AKAP6: variants seen among roughly 807,000 people sequenced by gnomAD.
The protein encoded by AKAP6 is A-kinase anchor protein 6.
A neutral mutation model predicts 188.5 loss-of-function variants in AKAP6; 58 were observed. That is an observed-to-expected ratio of 0.31 (90% CI 0.25 to 0.38). AKAP6 has a LOEUF of 0.38. Among genes scored for constraint, AKAP6 ranks in the 10% least tolerant of loss-of-function variants. The pLI, the probability that AKAP6 is intolerant of heterozygous loss-of-function variation, is 1.00. For synonymous variants in AKAP6, 989 were observed against 998.6 expected, an observed-to-expected ratio of 0.99 and a Z score of 0.18; for missense variants, 2,710 against 2,740.0, an observed-to-expected ratio of 0.99 and a Z score of 0.24.
At chr14:32,815,134 A>G (rs947097121) in intron 12 of AKAP6, among the ~76,000 whole-genome samples, 2 of 152,176 alleles carry the variant, frequency 1.3e-5, no homozygotes, top group East Asian at 1.9e-4. Context: ...ATTTTCAACT[A>G]TTTCAGAATT....
rs961531065 is a variant in AKAP6 at position 32,800,211 on chromosome 14, C to T, written c.3589-21191C>T. ...ACACATATATATACATATATATACA[C>T]ACATCTATATATACATATACAAAAA... On this transcript the variant is annotated intron_variant, in intron 12 of 13. Coordinates refer to ENST00000280979, the MANE Select transcript of AKAP6 (RefSeq NM_004274.5). Among the ~76,000 whole-genome samples, 202 of 146,500 alleles carry T rather than the reference C, an allele frequency of 1.4e-3. 2 individuals are homozygous for T. Among genetic ancestry groups the T allele is most frequent in the African/African-American group, 4.8e-3 (192 of 39,704 alleles).
At chr14:32,715,081 G>A (rs553749826) in intron 9 of AKAP6, among the ~76,000 whole-genome samples, 2 of 151,930 alleles carry the variant, frequency 1.3e-5, no homozygotes, top group South Asian at 4.2e-4. Context: ...TTTGCTTGAG[G>A]AAAAAATGAT....
chr14:32,460,577 G>A (rs894929725), intron 2 of AKAP6, among the ~76,000 whole-genome samples: 9 of 152,218 alleles, frequency 5.9e-5, no homozygotes, highest in Non-Finnish European at 8.8e-5. Context: ...GTAATCTGCA[G>A]ATCAGGAGAT....
At chr14:32,613,065 C>T (rs1886419778) in intron 7 of AKAP6, among the ~76,000 whole-genome samples, 1 of 152,218 alleles carries the variant, frequency 6.6e-6, no homozygotes, top group Non-Finnish European at 1.5e-5. Flanking sequence ...GTTTAGCTAA[C>T]ATAATGTAGT....
In AKAP6 at chr14:32,809,932, C is replaced by T. The variant is rs1263445074; in HGVS notation, c.3589-11470C>T. Among the ~76,000 whole-genome samples, 4 of 151,804 alleles carry T rather than the reference C, an allele frequency of 2.6e-5. No individual in the cohort carries two copies. The East Asian group carries it at 5.8e-4, about 22-fold the overall frequency. On this transcript the variant is annotated intron_variant, in intron 12 of 13. Transcript: ENST00000280979. ...CTGGTATTTTATTTCCCTGATTGCT[C>T]GCTATTTATTAAGAGAAAAAAGCAA...
intron 1 of AKAP6, among the ~76,000 whole-genome samples, chr14:32,399,136 G>T (rs770140740): frequency 6.6e-6 from 1 of 152,040 alleles, no homozygotes; most frequent in Non-Finnish European, 1.5e-5. Context: ...TTACAGGCGT[G>T]AGCCACTGTG....
rs1001171080 is a variant in AKAP6, at chr14:32,735,660, A to G, written c.3150A>G (p.Lys1050=). The G allele has an allele frequency of 3.2e-6, 5 of 1,544,620 alleles. No homozygotes were observed. The African/African-American group carries it at 5.6e-5, about 17-fold the overall frequency. The change falls in exon 11 of 14, where the codon AAA becomes AAG. Residue 1050 remains lysine, a splice_region_variant and synonymous_variant. Transcript: ENST00000280979. ...TGTTTTTTAATCTGATGCATTAGAA[A>G]ACCCTAGGAGAGAAGATCCAGGACA... ...SINEKWELLG[K]TLGEKIQDTM...
At chr14:32,376,059 T>C (rs1457501634) in intron 1 of AKAP6, 1 of 152,258 alleles carries the variant, frequency 6.6e-6, no homozygotes, top group Admixed American at 6.5e-5. Context: ...AAAAGTGTAC[T>C]GTAGTCAAAT....
At chr14:32,598,280 A>C (rs969950158) in intron 5 of AKAP6, among the ~76,000 whole-genome samples, 3 of 152,180 alleles carry the variant, frequency 2.0e-5, no homozygotes, top group African/African-American at 7.2e-5. Flanking sequence ...TATTTTGGAG[A>C]CTTATCATGG....
chr14:32,799,244 T>C (rs539507070), intron 12 of AKAP6, among the ~76,000 whole-genome samples: 1 of 152,332 alleles, frequency 6.6e-6, no homozygotes, highest in East Asian at 1.9e-4. Context: ...ATTCTAGATG[T>C]ATCCCTTTCA....
intron 2 of AKAP6, among the ~76,000 whole-genome samples, chr14:32,465,499 T>G (rs1878358149): frequency 6.6e-6 from 1 of 152,216 alleles, no homozygotes; most frequent in South Asian, 2.1e-4. Flanking sequence ...AAGGATTCCC[T>G]ATTTAATAAA....
At position 32,497,891 on chromosome 14, in the gene AKAP6, C is replaced by G. The variant is rs1290344718; in HGVS notation, c.325-37663C>G. On this transcript the variant is annotated intron_variant, in intron 2 of 13. Coordinates refer to ENST00000280979, the MANE Select transcript of AKAP6 (RefSeq NM_004274.5). ...CATCCCTTTATCATTATAAAATGAT[C>G]CTTTTTATCCTTGGTTATAGTCTTT... is the stretch of plus-strand genomic sequence containing the variant. Among the ~76,000 whole-genome samples the G allele has an allele frequency of 2.6e-5, 4 of 152,100 alleles. No individual in the cohort carries two copies. In the East Asian group the frequency reaches 7.7e-4, roughly 29 times the overall value.
At chr14:32,367,041 C>T (rs984331986) in intron 1 of AKAP6, among the ~76,000 whole-genome samples, 9 of 152,120 alleles carry the variant, frequency 5.9e-5, no homozygotes, top group African/African-American at 1.9e-4. Flanking sequence ...CTCCTTGCTG[C>T]GGGCTGCTCC....
intron 1 of AKAP6, among the ~76,000 whole-genome samples, chr14:32,411,812 T>A (rs1266176330): frequency 3.3e-5 from 5 of 151,838 alleles, no homozygotes; most frequent in Admixed American, 1.3e-4. Flanking sequence ...TTTTTTTAAT[T>A]CTTTAGTGAT....
At chr14:32,490,670 A>G (rs1191739532) in intron 2 of AKAP6, among the ~76,000 whole-genome samples, 1 of 152,112 alleles carries the variant, frequency 6.6e-6, no homozygotes, top group Non-Finnish European at 1.5e-5. Flanking sequence ...CTAGAAGTTC[A>G]GTTTAGCTTC....
At position 32,822,963 on chromosome 14, in the gene AKAP6, C is replaced by G. The variant is rs146242099; in HGVS notation, c.5150C>G (p.Ser1717Trp). 1.9e-6 allele frequency: 3 copies of G among 1,613,832 alleles called. No individual in the cohort carries two copies. The highest frequency in any genetic ancestry group is 2.5e-6 in the Non-Finnish European group (3 of 1,179,894). ...AACAAGATCCCGGAATCGAATGCAT[C>G]GTTCAGGAAGCGTCTGACTCGTTCA... is the stretch of plus-strand genomic sequence containing the variant. ...HKNKIPESNA[S>W]FRKRLTRSVA... The change falls in exon 13 of 14, where the codon TCG (serine) becomes TGG (tryptophan). Residue 1717 changes from serine to tryptophan, a missense_variant. Ser to Trp is a radical substitution (Grantham distance 177, BLOSUM62 -3). Transcript: ENST00000280979.
intron 7 of AKAP6, among the ~76,000 whole-genome samples, chr14:32,669,966 G>A (rs561623585): frequency 1.1e-4 from 17 of 151,842 alleles, no homozygotes; most frequent in Non-Finnish European, 1.9e-4. Context: ...GTATGGTGGC[G>A]GATGCCTGTA....
At chr14:32,528,098 T>A (rs1882221625) in intron 2 of AKAP6, among the ~76,000 whole-genome samples, 1 of 152,222 alleles carries the variant, frequency 6.6e-6, no homozygotes, top group Non-Finnish European at 1.5e-5. Flanking sequence ...CCCTTAGGTC[T>A]GTGATATATT....
intron 9 of AKAP6, among the ~76,000 whole-genome samples, chr14:32,727,026 A>G (rs927109341): frequency 6.6e-6 from 1 of 152,218 alleles, no homozygotes; most frequent in African/African-American, 2.4e-5. Context: ...AAGGCCATAC[A>G]AAGGCTTCAG....
Sources: gnomAD v4.1 joint callset for allele counts (sites outside exome capture counted in the v4.1 genomes callset) on GRCh38, gnomAD v4.1.1 for gene constraint, MANE v1.5 for transcripts, NCBI Gene and HGNC (gene_info 2026-07-23, HGNC 2026-07-21) for gene names.